Variants in CHRNG observed in about 807,000 individuals in gnomAD.
The protein encoded by CHRNG is cholinergic receptor nicotinic gamma subunit, also known as acetylcholine receptor subunit gamma.
Under a neutral mutation model 65.2 loss-of-function variants are expected in CHRNG, and 72 were observed. That is an observed-to-expected ratio of 1.10 (90% confidence interval 0.91 to 1.34). The LOEUF is 1.34. CHRNG is among the 40% of genes most tolerant of loss of function. The pLI, the probability that CHRNG is intolerant of heterozygous loss-of-function variation, is 0.00. For missense variants in CHRNG, 637 were observed against 680.1 expected (o/e 0.94, Z 0.70); for synonymous variants, 284 against 290.2 (o/e 0.98, Z 0.22).
At position 232,540,055 on chromosome 2, in the gene CHRNG, A is replaced by G. The variant is rs771198156; in HGVS notation, c.119A>G (p.Asn40Ser). 11 of 1,614,014 alleles carry G rather than the reference A, an allele frequency of 6.8e-6. No homozygotes were observed. The African/African-American group carries it at 9.3e-5, about 14-fold the overall frequency. ...GACCTGATGCAAAACTACGACCCCA[A>G]CCTGCGGCCCGCGGAACGAGACTCG... ...LADLMQNYDPNLRPAERDSDV... is the reference protein window; with the variant it reads ...LADLMQNYDPSLRPAERDSDV... The change falls in exon 2 of 12, where the codon AAC becomes AGC. Residue 40 changes from asparagine (N) to serine (S), a missense_variant. By Grantham distance (46) the Asn-to-Ser change is conservative (BLOSUM62 1). Transcript: ENST00000651502. This position sits in a 1 kb window ranked among gnomAD's most constrained non-coding sequence, Gnocchi z 4.2.
At chr2:232,543,139 C>T (rs566138449) in intron 7 of CHRNG, 57 bp downstream of exon 7, 345 of 1,571,776 alleles carry the variant, frequency 2.2e-4, no homozygotes, top group Middle Eastern at 3.3e-4. Context: ...CCTGGGAGGC[C>T]GGGGTGGGCC....
rs550830120 is a variant in CHRNG at position 232,544,215 on chromosome 2, C to A, written c.1036-152C>A. On this transcript the variant is annotated intron_variant, in intron 9 of 11. Coordinates refer to ENST00000651502, the MANE Select transcript of CHRNG (RefSeq NM_005199.5). ...GTGCACTGAAGTTTGGGGACCCAGGCTCGTGTCCAGTATAGAAAGCTTTAC... is the reference window on the plus strand; with the variant it reads ...GTGCACTGAAGTTTGGGGACCCAGGATCGTGTCCAGTATAGAAAGCTTTAC... 1.1e-4 allele frequency: 77 copies of A among 727,642 alleles called. No individual in the cohort carries two copies. The African/African-American group carries it at 1.1e-3, about 11-fold the overall frequency. 45.1% of individuals were successfully genotyped at this position (727,642 alleles called of 1,614,324 possible). A position where few individuals can be genotyped will look rare whatever the true frequency, so the allele number is the denominator to read the frequency against.
In CHRNG at chr2:232,544,827, C is replaced by G; in HGVS notation, c.1305C>G (p.Ala435=). 1 of 1,613,828 alleles carries G rather than the reference C, an allele frequency of 6.2e-7. No individual in the cohort carries two copies. The highest frequency in any genetic ancestry group is 1.3e-5 in the African/African-American group (1 of 75,022). Residue 435 remains alanine (A), a synonymous_variant, in exon 11 of 12, where the codon GCC becomes GCG. Coordinates refer to ENST00000651502, the MANE Select transcript of CHRNG (RefSeq NM_005199.5). ...SQFCGSLKQA[A]PAIQACVEAC... is the part of the protein sequence containing the mutation. ...TCTGTGGCAGCCTGAAGCAGGCTGC[C>G]CCAGCCATCCAGGCCTGTGTGGAAG...
Position 232,545,783 on chromosome 2 carries a change from G to A in CHRNG, c.*67G>A, listed in dbSNP as rs980712487. On this transcript the variant is annotated 3_prime_UTR_variant, in exon 12 of 12. Transcript: ENST00000651502. ...GGTCACACTGAGTCTTATCAGCCAC[G>A]TTCTCCTACTGAGGTCCTAAGTGTG... The A allele has an allele frequency of 3.8e-5, 59 of 1,551,710 alleles. No individual in the cohort carries two copies. The highest frequency in any genetic ancestry group is 3.4e-4 in the Middle Eastern group (2 of 5,954).
In CHRNG at chr2:232,539,785, T is replaced by C. The variant is rs767799187; in HGVS notation, c.38T>C (p.Leu13Pro). Residue 13 changes from leucine (L) to proline (P), a missense_variant, in exon 1 of 12, where the codon CTG becomes CCG. Physicochemically the swap from Leu to Pro is moderately conservative, Grantham distance 98. Transcript: ENST00000651502. Reference sequence around the variant, plus strand: ...CAGGGGCCGCTGCTCCTCCTGCTGCTGCTGGCTGTCTGCCTGGGTGGGACA... The same window carrying C: ...CAGGGGCCGCTGCTCCTCCTGCTGCCGCTGGCTGTCTGCCTGGGTGGGACA... ...GGQGPLLLLL[L>P]LAVCLGAQGR... The C allele has an allele frequency of 6.2e-7, 1 of 1,613,930 alleles. No homozygotes were observed. Among genetic ancestry groups the C allele is most frequent in the Non-Finnish European group, 8.5e-7 (1 of 1,179,996 alleles).
Position 232,543,660 on chromosome 2 carries a change from G to T in CHRNG, c.996G>T (p.Arg332=). The part of the protein sequence containing the change: ...NAVVVLNVSL[R]SPHTHSMARG... ...TGGTTGTGCTCAATGTCTCCTTGCG[G>T]TCTCCACACACACACTCCATGGCCC... The change falls in exon 9 of 12, where the codon CGG becomes CGT. Residue 332 remains arginine (R), a synonymous_variant. Coordinates refer to ENST00000651502, the MANE Select transcript of CHRNG (RefSeq NM_005199.5). 2 of 1,613,682 alleles carry T rather than the reference G, an allele frequency of 1.2e-6. No homozygotes were observed. The highest frequency in any genetic ancestry group is 1.7e-6 in the Non-Finnish European group (2 of 1,179,704).
Position 232,540,691 on chromosome 2 carries a change from G to A in CHRNG, c.330G>A (p.Pro110=), listed in dbSNP as rs149931943. 24 of 1,611,802 alleles carry A rather than the reference G, an allele frequency of 1.5e-5. No homozygotes were observed. The highest frequency in any genetic ancestry group is 8.0e-5 in the African/African-American group (6 of 75,016). The change falls in exon 4 of 12, where the codon CCG becomes CCA. Residue 110 remains proline, a synonymous_variant. Coordinates refer to ENST00000651502, the MANE Select transcript of CHRNG (RefSeq NM_005199.5). This position sits in a 1 kb window ranked among gnomAD's most constrained non-coding sequence, Gnocchi z 4.2. The part of the protein sequence containing the change: ...LRVPSTMVWR[P]DIVLENNVDG... ...TGCCGTCCACCATGGTGTGGCGGCC[G>A]GATATCGTGCTGGAGAACAAGTGAG...
In CHRNG at chr2:232,546,888, T is replaced by C. The variant is rs1320166088; in HGVS notation, c.*1172T>C. 6.6e-6 allele frequency among the ~76,000 whole-genome samples: 1 copy of C among 152,068 alleles called. No individual in the cohort carries two copies. Among genetic ancestry groups the C allele is most frequent in the African/African-American group, 2.4e-5 (1 of 41,404 alleles). On this transcript the variant is annotated 3_prime_UTR_variant, in exon 12 of 12. Coordinates refer to ENST00000651502, the MANE Select transcript of CHRNG (RefSeq NM_005199.5). ...AGCTAGGCAAGAGGAGGTGTGGAGTTAACAGAGAGCCACTGAGCTCTTCAT... is the reference window on the plus strand; with the variant it reads ...AGCTAGGCAAGAGGAGGTGTGGAGTCAACAGAGAGCCACTGAGCTCTTCAT...
At chr2:232,542,850 G>T in intron 6 of CHRNG, 32 bp from the exon 7 acceptor site, 1 of 1,592,640 alleles carries the variant, frequency 6.3e-7, no homozygotes, top group Non-Finnish European at 8.6e-7. Context: ...CACGCTTCTT[G>T]TGCCCACTCC....
chr2:232,543,735 GCCCACT>G (rs1559304656), intron 9 of CHRNG, 36 bp downstream of exon 9: 2 of 1,282,262 alleles, frequency 1.6e-6, no homozygotes, highest in Non-Finnish European at 2.3e-6. Context: ...ACATCCCGCT[GCCCACT>G]CCCCTACGCC....
At chr2:232,545,332 A>G (rs1468945366) in intron 11 of CHRNG, among the ~76,000 whole-genome samples, 1 of 147,166 alleles carries the variant, frequency 6.8e-6, no homozygotes, top group Non-Finnish European at 1.5e-5. Flanking sequence ...AAAAAAAAAA[A>G]GGAAAGAAAG....
chr2:232,544,101 C>T (rs1332334481), intron 9 of CHRNG, among the ~76,000 whole-genome samples: 1 of 152,210 alleles, frequency 6.6e-6, no homozygotes, highest in African/African-American at 2.4e-5. Context: ...TGCAGATTCC[C>T]AGGCCTGTCC....
Position 232,541,547 on chromosome 2 carries a change from G to T in CHRNG, c.506+18G>T. 1 of 1,612,398 alleles carries T rather than the reference G, an allele frequency of 6.2e-7. No individual in the cohort carries two copies. Reference sequence around the variant, plus strand: ...ATCTTCCAGTGAGGCCATTTATTGGGGAGGATTAAGAGAGCTGCTCTCAGA... The same window carrying T: ...ATCTTCCAGTGAGGCCATTTATTGGTGAGGATTAAGAGAGCTGCTCTCAGA... On this transcript the variant is annotated intron_variant, in intron 5 of 11. Coordinates refer to ENST00000651502, the MANE Select transcript of CHRNG (RefSeq NM_005199.5). This position sits in a 1 kb window ranked among gnomAD's most constrained non-coding sequence, Gnocchi z 4.0.
intron 9 of CHRNG, among the ~76,000 whole-genome samples, 171 bp downstream of exon 9, chr2:232,543,870 T>C (rs1692070676): frequency 6.6e-6 from 1 of 152,246 alleles, no homozygotes; most frequent in African/African-American, 2.4e-5. Flanking sequence ...AATTGCTTCC[T>C]AGGTGCCCGG....
rs1457545216 is a variant in CHRNG, at chr2:232,541,110, T to C, written c.351-264T>C. On this transcript the variant is annotated intron_variant, in intron 4 of 11. Transcript: ENST00000651502. The surrounding 1 kb of genome is among the most constrained non-coding windows in gnomAD (Gnocchi z 4.0). ...GCTATTATGACTATTATTATTATTA[T>C]TATTATTATGATTAAAACAAGAGAG... Among the ~76,000 whole-genome samples, 1 of 151,480 alleles carries C rather than the reference T, an allele frequency of 6.6e-6. No homozygotes were observed. The highest frequency in any genetic ancestry group is 1.9e-4 in the East Asian group (1 of 5,152).
chr2:232,542,597 C>A, intron 6 of CHRNG, 77 bp downstream of exon 6: 1 of 1,006,918 alleles, frequency 9.9e-7, no homozygotes, highest in Non-Finnish European at 1.6e-6. Flanking sequence ...AAGGCTGGAC[C>A]AAGGTCAAAT....
In CHRNG at chr2:232,543,698, A is replaced by G. The variant is rs1369882038; in HGVS notation, c.1034A>G (p.Lys345Arg). Residue 345 changes from lysine (K) to arginine (R), a missense_variant and splice_region_variant, in exon 9 of 12, where the codon AAG becomes AGG. Lys to Arg is a conservative substitution (Grantham distance 26, BLOSUM62 2). Transcript: ENST00000651502. Reference sequence around the variant, plus strand: ...CACTCCATGGCCCGAGGGGTCCGCAAGGCAAGGACCCTCCCTGCCCACTTC... The same window carrying G: ...CACTCCATGGCCCGAGGGGTCCGCAGGGCAAGGACCCTCCCTGCCCACTTC... ...HTHSMARGVR[K>R]VFLRLLPQLL... 1.9e-6 allele frequency: 3 copies of G among 1,587,306 alleles called. No individual in the cohort carries two copies. Among genetic ancestry groups the G allele is most frequent in the African/African-American group, 2.7e-5 (2 of 74,476 alleles).
chr2:232,543,764 G>A (rs970988519), intron 9 of CHRNG, 65 bp downstream of exon 9: 11 of 971,266 alleles, frequency 1.1e-5, no homozygotes, highest in Middle Eastern at 2.1e-4. Context: ...CCTCTCGCAC[G>A]CCCCGGCAGT....
At chr2:232,545,365 G>C (rs1394451041) in intron 11 of CHRNG, among the ~76,000 whole-genome samples, 178 bp from the exon 12 acceptor site, 2 of 151,986 alleles carry the variant, frequency 1.3e-5, no homozygotes, top group Admixed American at 6.5e-5. Context: ...ACAGGGGCAG[G>C]GGGGGCACCT....
Sources: gnomAD v4.1 joint callset for allele counts (sites outside exome capture counted in the v4.1 genomes callset) on GRCh38, gnomAD v4.1.1 for gene constraint, Gnocchi (gnomAD v3.1) non-coding constraint, MANE v1.5 for transcripts, NCBI Gene and HGNC (gene_info 2026-07-23, HGNC 2026-07-21) for gene names.